FAM120A: variants seen among roughly 807,000 people sequenced by gnomAD.
FAM120A encodes the protein family with sequence similarity 120 member A.
A neutral mutation model predicts 109.7 loss-of-function variants in FAM120A; 15 were observed. The observed-to-expected ratio is 0.14, with a 90% confidence interval of 0.09 to 0.21. The LOEUF (loss-of-function observed/expected upper bound fraction) is 0.21, where lower values mean the gene tolerates loss of function less well. Ranked by LOEUF, FAM120A falls within the 10% of genes least tolerant of loss-of-function variation. The pLI is 1.00. For missense variants in FAM120A, 899 were observed against 1,439.3 expected, an observed-to-expected ratio of 0.62 and a Z score of 6.07; for synonymous variants, 493 against 572.8, an observed-to-expected ratio of 0.86 and a Z score of 1.99.
At chr9:93,525,861 A>G (rs115638310) in intron 7 of FAM120A, among the ~76,000 whole-genome samples, 2,230 of 152,206 alleles carry the variant, frequency 0.015, 63 homozygotes, top group African/African-American at 0.05. Context: ...AGACCGGGAA[A>G]CCTGAACAGG....
chr9:93,503,074 A>G (rs753607749), intron 5 of FAM120A, among the ~76,000 whole-genome samples: 1 of 152,238 alleles, frequency 6.6e-6, no homozygotes, highest in Non-Finnish European at 1.5e-5. Flanking sequence ...TTAATTACAC[A>G]TTTGTTAGAA....
rs114331973 is a variant in FAM120A, at chr9:93,511,553, G to A, written c.1031-4114G>A. Among the ~76,000 whole-genome samples, 999 of 152,318 alleles carry A rather than the reference G, an allele frequency of 6.6e-3. 13 individuals are homozygous for A. The highest frequency in any genetic ancestry group is 0.023 in the African/African-American group (963 of 41,562). On this transcript the variant is annotated intron_variant, in intron 5 of 17. Transcript: ENST00000277165. The stretch of plus-strand genomic sequence containing the variant: ...CTGGACACTGGATCTGTAGTGTAAC[G>A]GGAACAGGTCACATGACAGTTTCCT...
At chr9:93,453,357 A>G in intron 1 of FAM120A, 1 of 985,538 alleles carries the variant, frequency 1.0e-6, no homozygotes, top group African/African-American at 1.7e-5. Context: ...GACTGTGAAG[A>G]TAAGCACATC....
intron 9 of FAM120A, chr9:93,530,007 CAT>C (rs1861267106): frequency 3.1e-6 from 1 of 318,020 alleles, no homozygotes; most frequent in Non-Finnish European, 5.8e-6. Flanking sequence ...TTGAATGGCT[CAT>C]AGTGCTTCAT....
intron 7 of FAM120A, among the ~76,000 whole-genome samples, chr9:93,522,278 A>G (rs1031957299): frequency 6.6e-6 from 1 of 152,194 alleles, no homozygotes; most frequent in African/African-American, 2.4e-5. Context: ...ACACTGGACA[A>G]TACAGTATAG....
intron 3 of FAM120A, among the ~76,000 whole-genome samples, chr9:93,479,300 G>A (rs977729249): frequency 5.3e-5 from 8 of 151,648 alleles, no homozygotes; most frequent in Admixed American, 3.3e-4. Context: ...GGGTTTCACC[G>A]TTTTAGCTGG....
chr9:93,563,500 C>T (rs1406246953), intron 17 of FAM120A, among the ~76,000 whole-genome samples: 1 of 152,212 alleles, frequency 6.6e-6, no homozygotes, highest in Non-Finnish European at 1.5e-5. Flanking sequence ...GTTTGTGCTG[C>T]TAAACACCCT....
intron 12 of FAM120A, among the ~76,000 whole-genome samples, chr9:93,552,763 AACAGT>A (rs1338223078): frequency 6.6e-6 from 1 of 152,240 alleles, no homozygotes; most frequent in Non-Finnish European, 1.5e-5. Context: ...CAAAAGCAAC[AACAGT>A]GCTTTGTTGT....
intron 1 of FAM120A, among the ~76,000 whole-genome samples, chr9:93,459,688 C>T (rs1477366726): frequency 2.0e-5 from 3 of 152,088 alleles, no homozygotes; most frequent in Non-Finnish European, 2.9e-5. Flanking sequence ...GTAGGGTTGA[C>T]AGTTGAGACA....
intron 5 of FAM120A, among the ~76,000 whole-genome samples, chr9:93,503,608 GCAGTGAAA>G (rs967955383): frequency 1.3e-5 from 2 of 152,048 alleles, no homozygotes; most frequent in African/African-American, 4.8e-5. Context: ...GATTTTTGGG[GCAGTGAAA>G]CTATTCTGTA....
intron 1 of FAM120A, among the ~76,000 whole-genome samples, chr9:93,454,505 T>G (rs1857462605): frequency 2.0e-5 from 3 of 152,206 alleles, no homozygotes; most frequent in Admixed American, 2.0e-4. Flanking sequence ...TTTTCATATG[T>G]AATTCTAACA....
intron 3 of FAM120A, among the ~76,000 whole-genome samples, chr9:93,477,325 GTTTCATCTCTGGCATGCTTTTTCTT>G (rs1279609607): frequency 6.6e-6 from 1 of 152,100 alleles, no homozygotes; most frequent in Non-Finnish European, 1.5e-5. Context: ...GTTCCCTGCT[GTTTCATCTCTGGCATGCTTTTTCTT>G]TTTCATCTCT....
intron 1 of FAM120A, chr9:93,453,382 T>C: frequency 1.0e-5 from 10 of 985,486 alleles, no homozygotes; most frequent in Non-Finnish European, 1.2e-5. Context: ...ATCCTGGACT[T>C]CACGTTCTGA....
chr9:93,544,336 C>T (rs1341088601), intron 11 of FAM120A, among the ~76,000 whole-genome samples: 1 of 152,312 alleles, frequency 6.6e-6, no homozygotes, highest in East Asian at 1.9e-4. Context: ...GCCCTTGTTC[C>T]TTGTTGTGAA....
Position 93,558,015 on chromosome 9 carries a change from G to A in FAM120A, c.2668+5G>A, listed in dbSNP as rs1420062740. 6.3e-7 allele frequency: 1 copy of A among 1,586,096 alleles called. No individual in the cohort carries two copies. Among genetic ancestry groups the A allele is most frequent in the Non-Finnish European group, 8.5e-7 (1 of 1,173,298 alleles). On this transcript the variant is annotated splice_donor_5th_base_variant and intron_variant, in intron 14 of 17. Transcript: ENST00000277165. ...GCAGGGGCAGAGGCTTTGCAGGTGA[G>A]TTGATTGGGACGTATTCCTGTGGGT...
chr9:93,472,783 C>T (rs1399739394), intron 2 of FAM120A, among the ~76,000 whole-genome samples: 1 of 152,154 alleles, frequency 6.6e-6, no homozygotes, highest in Non-Finnish European at 1.5e-5. Flanking sequence ...AGACACTTTT[C>T]AATATTCAGT....
intron 1 of FAM120A, among the ~76,000 whole-genome samples, chr9:93,462,317 G>A (rs182723913): frequency 5.8e-4 from 88 of 152,296 alleles, no homozygotes; most frequent in South Asian, 4.3e-3. Context: ...GTCTCGCTCT[G>A]TCACCAAGGC....
intron 2 of FAM120A, 101 bp downstream of exon 2, chr9:93,471,488 C>G: frequency 6.9e-7 from 1 of 1,447,278 alleles, no homozygotes; most frequent in Non-Finnish European, 9.4e-7. Context: ...GGATATGTAT[C>G]ACACATTGAA....
intron 3 of FAM120A, among the ~76,000 whole-genome samples, chr9:93,493,877 T>C (rs1338163929): frequency 6.6e-6 from 1 of 152,198 alleles, no homozygotes; most frequent in Non-Finnish European, 1.5e-5. Flanking sequence ...TTTCTGGAGC[T>C]CCTGGAGCGC....
Sources: gnomAD v4.1 joint callset for allele counts (sites outside exome capture counted in the v4.1 genomes callset) on GRCh38, gnomAD v4.1.1 for gene constraint, MANE v1.5 for transcripts, NCBI Gene and HGNC (gene_info 2026-07-23, HGNC 2026-07-21) for gene names.